The following RBFOX1 variants were observed in gnomAD, a reference collection of about 807,000 sequenced individuals.
The protein encoded by RBFOX1 is RNA binding protein fox-1 homolog 1.
A neutral mutation model predicts 57.7 loss-of-function variants in RBFOX1; 8 were observed. The observed-to-expected ratio is 0.14, with a 90% CI of 0.08 to 0.25. The LOEUF is 0.25. Among genes scored for constraint, RBFOX1 ranks in the 10% least tolerant of loss-of-function variants. The probability of loss-of-function intolerance (pLI) is 1.00; values close to 1 mark genes in which losing one functional copy is unlikely to be tolerated. For missense variants in RBFOX1, 611 were observed against 548.5 expected, an observed-to-expected ratio of 1.11 and a Z score of -1.14; for synonymous variants, 326 against 222.4, an observed-to-expected ratio of 1.47 and a Z score of -4.15.
rs1032582353 is a variant in RBFOX1, at chr16:5,755,551, C to T, written c.319-111752C>T. Among the ~76,000 whole-genome samples, 18 of 152,294 alleles carry T rather than the reference C, an allele frequency of 1.2e-4. No homozygotes were observed. In the South Asian group the frequency reaches 1.9e-3, roughly 16 times the overall value. On this transcript the variant is annotated intron_variant, in intron 3 of 19. Transcript: ENST00000641259. ...GGTTGGTCACAAAAGACGACCACTT[C>T]CCCATGGGCATCTATTTGATCAACT... is the stretch of plus-strand genomic sequence containing the variant.
chr16:6,868,160 A>G lies in RBFOX1; in HGVS notation c.-15-183897A>G, dbSNP rs79117419. 6.6e-3 allele frequency among the ~76,000 whole-genome samples: 1,000 copies of G among 152,310 alleles called. 16 individuals are homozygous for G. The highest frequency in any genetic ancestry group is 0.023 in the African/African-American group (945 of 41,568). On this transcript the variant is annotated intron_variant, in intron 3 of 15. Transcript: ENST00000550418. ...TTGAAATTAGCAAATAATTATTCCT[A>G]TATTTTTTTTCATTGAAGTCTTTCA... is the stretch of plus-strand genomic sequence containing the variant.
chr16:6,968,449 C>T (rs1176659815), intron 3 of RBFOX1, among the ~76,000 whole-genome samples: 2 of 152,106 alleles, frequency 1.3e-5, no homozygotes, highest in South Asian at 2.1e-4. Context: ...AGCATGCTGC[C>T]TGACGCTATC....
chr16:6,098,769 C>T (rs1004286449), intron 1 of RBFOX1, among the ~76,000 whole-genome samples: 1 of 152,184 alleles, frequency 6.6e-6, no homozygotes. Context: ...GTTTTACTAA[C>T]AAGTTCCTCA....
At chr16:5,739,657 A>G (rs550382176) in intron 3 of RBFOX1, among the ~76,000 whole-genome samples, 2 of 152,350 alleles carry the variant, frequency 1.3e-5, no homozygotes, top group South Asian at 2.1e-4. Flanking sequence ...ACGCTTTGGC[A>G]TTTTCTGTGC....
chr16:5,283,093 C>A (rs1250640128), intron 1 of RBFOX1, among the ~76,000 whole-genome samples: 1 of 152,256 alleles, frequency 6.6e-6, no homozygotes, highest in Non-Finnish European at 1.5e-5. Flanking sequence ...GCTGTGACTT[C>A]AGAGGGTGCA....
At chr16:6,932,060 C>G (rs756301636) in intron 3 of RBFOX1, among the ~76,000 whole-genome samples, 1 of 152,064 alleles carries the variant, frequency 6.6e-6, no homozygotes, top group Non-Finnish European at 1.5e-5. Context: ...GAGGGCAGAG[C>G]CTTCATGACC....
At chr16:7,703,939 G>A (rs1016626913) in intron 14 of RBFOX1, among the ~76,000 whole-genome samples, 1 of 152,194 alleles carries the variant, frequency 6.6e-6, no homozygotes, top group Admixed American at 6.5e-5. Flanking sequence ...TGGGCAAGGA[G>A]GGAGAGATTG....
intron 1 of RBFOX1, among the ~76,000 whole-genome samples, chr16:6,281,327 C>T (rs139583575): frequency 5.7e-4 from 86 of 152,178 alleles, no homozygotes; most frequent in African/African-American, 2.0e-3. Context: ...GAAGATGCAT[C>T]TCAGAGAGAT....
chr16:5,689,890 A>C (rs1482399407), intron 3 of RBFOX1, among the ~76,000 whole-genome samples: 3 of 152,224 alleles, frequency 2.0e-5, no homozygotes, highest in Non-Finnish European at 4.4e-5. Flanking sequence ...TGACAGGGGA[A>C]TGATGGAACA....
intron 1 of RBFOX1, among the ~76,000 whole-genome samples, chr16:5,244,158 A>T (rs1430472757): frequency 6.6e-6 from 1 of 152,174 alleles, no homozygotes; most frequent in African/African-American, 2.4e-5. Flanking sequence ...CGGCCTCCCA[A>T]GGTGCTGAGA....
At chr16:7,178,232 A>T (rs1388945771) in intron 4 of RBFOX1, among the ~76,000 whole-genome samples, 2 of 152,222 alleles carry the variant, frequency 1.3e-5, no homozygotes, top group East Asian at 3.9e-4. Context: ...TGACCTAGTG[A>T]TTCAATTTGT....
At chr16:7,667,047 A>G (rs964016096) in intron 13 of RBFOX1, among the ~76,000 whole-genome samples, 13 of 152,220 alleles carry the variant, frequency 8.5e-5, no homozygotes, top group African/African-American at 3.1e-4. Flanking sequence ...TTATATTATA[A>G]TGACAATAAG....
At position 7,042,412 on chromosome 16, in the gene RBFOX1, C is replaced by G. The variant is rs190788672; in HGVS notation, c.-15-9645C>G. The stretch of plus-strand genomic sequence containing the variant: ...ATGGTAATTCCCTCTTGAATATTTC[C>G]TATCTTTACGGTTTTAGGAATTCAC... On this transcript the variant is annotated intron_variant, in intron 3 of 15. Transcript: ENST00000550418. Among the ~76,000 whole-genome samples, 11 of 152,266 alleles carry G rather than the reference C, an allele frequency of 7.2e-5. 1 individual carries two copies. The highest frequency in any genetic ancestry group is 3.3e-4 in the Admixed American group (5 of 15,294).
intron 2 of RBFOX1, among the ~76,000 whole-genome samples, chr16:6,550,611 C>T (rs2096972690): frequency 6.6e-6 from 1 of 152,224 alleles, no homozygotes; most frequent in South Asian, 2.1e-4. Flanking sequence ...CAGGCATGTG[C>T]CACTGTGCCC....
chr16:5,421,332 A>T (rs2067320325), intron 1 of RBFOX1, among the ~76,000 whole-genome samples: 1 of 152,192 alleles, frequency 6.6e-6, no homozygotes, highest in Non-Finnish European at 1.5e-5. Context: ...CTTAAATGAA[A>T]GAATGGGATT....
intron 3 of RBFOX1, among the ~76,000 whole-genome samples, chr16:6,750,012 C>T (rs891006475): frequency 1.3e-5 from 2 of 152,096 alleles, no homozygotes; most frequent in Non-Finnish European, 2.9e-5. Context: ...GTCTAGCAGT[C>T]TTGGGTTGGA....
chr16:6,389,333 C>G (rs981526338), intron 2 of RBFOX1, among the ~76,000 whole-genome samples: 1 of 148,990 alleles, frequency 6.7e-6, no homozygotes, highest in African/African-American at 2.5e-5. Flanking sequence ...ATGACCTGCC[C>G]ACCACTAGCT....
At chr16:6,894,327 G>A (rs1371745303) in intron 3 of RBFOX1, among the ~76,000 whole-genome samples, 2 of 152,140 alleles carry the variant, frequency 1.3e-5, no homozygotes, top group African/African-American at 4.8e-5. Context: ...CCCCCAGATA[G>A]CTCTGTGTTC....
intron 3 of RBFOX1, among the ~76,000 whole-genome samples, chr16:5,727,926 G>A (rs530027599): frequency 3.8e-4 from 58 of 152,272 alleles, no homozygotes; most frequent in African/African-American, 1.4e-3. Flanking sequence ...GCCTCAAGTG[G>A]TCCTTCCACC....
Sources: gnomAD v4.1 joint callset for allele counts (sites outside exome capture counted in the v4.1 genomes callset) on GRCh38, gnomAD v4.1.1 for gene constraint, MANE v1.5 for transcripts, NCBI Gene and HGNC (gene_info 2026-07-23, HGNC 2026-07-21) for gene names.